NSUN7: variants seen among roughly 807,000 people sequenced by gnomAD.
NSUN7 encodes NOP2/Sun RNA methyltransferase family member 7.
Under a neutral mutation model 58.5 loss-of-function variants are expected in NSUN7, and 39 were observed. The observed-to-expected ratio is 0.67, with a 90% CI of 0.52 to 0.87. NSUN7 has a LOEUF of 0.87. Among genes scored for constraint, NSUN7 ranks in the 40% least tolerant of loss-of-function variants. The pLI is 0.00. For missense variants in NSUN7, 765 were observed against 844.1 expected (o/e 0.91, Z 1.16); for synonymous variants, 278 against 303.7 (o/e 0.92, Z 0.88).
chr4:40,801,731 C>A (rs1021801796), intron 10 of NSUN7, among the ~76,000 whole-genome samples: 15 of 151,736 alleles, frequency 9.9e-5, no homozygotes, highest in African/African-American at 3.6e-4. Context: ...AACCTCATCT[C>A]TACAAAAAAA....
chr4:40,760,862 CAAA>C (rs540410744), intron 3 of NSUN7, among the ~76,000 whole-genome samples: 4 of 60,184 alleles, frequency 6.6e-5, no homozygotes, highest in Admixed American at 2.0e-4. Context: ...AACTCCGTCT[CAAA>C]AAAAAAAAAA....
chr4:40,760,379 A>G, intron 2 of NSUN7, 55 bp from the exon 3 acceptor site: 1 of 1,307,820 alleles, frequency 7.6e-7, no homozygotes, highest in Non-Finnish European at 1.1e-6. Flanking sequence ...TTGATTCCAG[A>G]GTTTTCATTT....
intron 10 of NSUN7, among the ~76,000 whole-genome samples, chr4:40,805,496 A>G (rs902379150): frequency 8.5e-5 from 13 of 152,108 alleles, no homozygotes; most frequent in Non-Finnish European, 1.2e-4. Context: ...CCCTGATTTC[A>G]AAGGTCATGT....
chr4:40,792,620 G>T (rs574642743), intron 8 of NSUN7, among the ~76,000 whole-genome samples: 1 of 152,102 alleles, frequency 6.6e-6, no homozygotes, highest in Non-Finnish European at 1.5e-5. Context: ...GCGAGGTGGC[G>T]GGCGCCTGTA....
rs959100864 is a variant in NSUN7 at position 40,804,621 on chromosome 4, G to A, written c.1401-2440G>A. Reference sequence around the variant, plus strand: ...TTTTCTAATAGTGAACAGTCTTTGAGCTTGAGGTCTAGGTTGTGTTCTGTG... The same window carrying A: ...TTTTCTAATAGTGAACAGTCTTTGAACTTGAGGTCTAGGTTGTGTTCTGTG... On this transcript the variant is annotated intron_variant, in intron 10 of 11. Coordinates refer to ENST00000381782, the MANE Select transcript of NSUN7 (RefSeq NM_024677.6). 3.3e-5 allele frequency among the ~76,000 whole-genome samples: 5 copies of A among 152,054 alleles called. No homozygotes were observed. The East Asian group carries it at 9.6e-4, about 29-fold the overall frequency.
intron 7 of NSUN7, among the ~76,000 whole-genome samples, chr4:40,783,765 T>G (rs1476803022): frequency 1.3e-5 from 2 of 151,872 alleles, no homozygotes; most frequent in Admixed American, 6.6e-5. Flanking sequence ...GGAGAATCAC[T>G]TGGACCCAGA....
Position 40,775,906 on chromosome 4 carries a change from G to T in NSUN7, c.826-143G>T. ...GTTGTCTTTGTTAACTCTTTACTTA[G>T]ACATATATTAAGATGTTAAAACTAA... On this transcript the variant is annotated intron_variant, in intron 6 of 11. Transcript: ENST00000381782. The surrounding 1 kb of genome is among the most constrained non-coding windows in gnomAD (Gnocchi z 4.3). 2.0e-6 allele frequency: 1 copy of T among 509,580 alleles called. No individual in the cohort carries two copies. The allele number at this position is 509,580 out of a possible 1,614,324, so 31.6% of individuals were successfully genotyped here.
chr4:40,799,371 T>G (rs1159631441), intron 10 of NSUN7, among the ~76,000 whole-genome samples: 3 of 151,830 alleles, frequency 2.0e-5, no homozygotes, highest in Non-Finnish European at 4.4e-5. Context: ...TAAGAAATGA[T>G]ATGGCTGGCC....
chr4:40,770,859 T>C (rs1741970679), intron 4 of NSUN7, among the ~76,000 whole-genome samples: 1 of 152,162 alleles, frequency 6.6e-6, no homozygotes, highest in Non-Finnish European at 1.5e-5. Flanking sequence ...GAGACCATCT[T>C]GGCCAACATA....
chr4:40,788,017 T>G (rs1213970922), intron 7 of NSUN7, among the ~76,000 whole-genome samples: 1 of 152,134 alleles, frequency 6.6e-6, no homozygotes, highest in Non-Finnish European at 1.5e-5. Flanking sequence ...GTATTTTTAG[T>G]AGAGATGGGG....
intron 7 of NSUN7, chr4:40,786,389 C>T (rs1390935264): frequency 6.2e-7 from 1 of 1,611,976 alleles, no homozygotes; most frequent in South Asian, 1.1e-5. Context: ...ACCAGATGCA[C>T]AGATGGCATT....
chr4:40,784,588 A>C (rs184921550), intron 7 of NSUN7, among the ~76,000 whole-genome samples: 341 of 152,358 alleles, frequency 2.2e-3, no homozygotes, highest in African/African-American at 8.0e-3. Flanking sequence ...ATGGAGACAG[A>C]ATAGATTAGC....
intron 4 of NSUN7, among the ~76,000 whole-genome samples, chr4:40,768,044 A>G (rs1387514089): frequency 1.3e-5 from 2 of 152,216 alleles, no homozygotes; most frequent in East Asian, 1.9e-4. Context: ...CCTGTAGCCA[A>G]TGAAGTGGTA....
chr4:40,795,992 C>T (rs978738921), intron 9 of NSUN7, among the ~76,000 whole-genome samples: 1 of 152,164 alleles, frequency 6.6e-6, no homozygotes, highest in Non-Finnish European at 1.5e-5. Context: ...CTATCTTTGA[C>T]CAGAGCAACA....
chr4:40,774,489 C>T, intron 5 of NSUN7, 72 bp downstream of exon 5: 1 of 1,481,878 alleles, frequency 6.7e-7, no homozygotes, highest in Admixed American at 1.8e-5. Context: ...AGAAGCATTA[C>T]CTTTTTAAGA....
At chr4:40,807,994 C>T (rs1041435829) in intron 11 of NSUN7, among the ~76,000 whole-genome samples, 3 of 135,092 alleles carry the variant, frequency 2.2e-5, no homozygotes, top group East Asian at 2.1e-4. Context: ...GAGCTGAGAT[C>T]GCACCAGCCT....
At chr4:40,780,786 CAT>C (rs759663123) in intron 7 of NSUN7, among the ~76,000 whole-genome samples, 17,314 of 97,534 alleles carry the variant, frequency 0.18, 1,950 homozygotes, top group Middle Eastern at 0.26. Flanking sequence ...CACACACACA[CAT>C]ACACATATAT....
intron 7 of NSUN7, among the ~76,000 whole-genome samples, chr4:40,779,667 A>T (rs1742432546): frequency 6.6e-6 from 1 of 152,186 alleles, no homozygotes; most frequent in Non-Finnish European, 1.5e-5. Flanking sequence ...TACAAAAGTT[A>T]AGTACATAGG....
chr4:40,802,911 G>A (rs1743650797), intron 10 of NSUN7, among the ~76,000 whole-genome samples: 1 of 148,436 alleles, frequency 6.7e-6, no homozygotes, highest in East Asian at 2.0e-4. Context: ...TTAGCATTAG[G>A]TATATCTCGT....
Sources: gnomAD v4.1 joint callset for allele counts (sites outside exome capture counted in the v4.1 genomes callset) on GRCh38, gnomAD v4.1.1 for gene constraint, Gnocchi (gnomAD v3.1) non-coding constraint, MANE v1.5 for transcripts, NCBI Gene and HGNC (gene_info 2026-07-23, HGNC 2026-07-21) for gene names.